NR6A1: variants seen among roughly 807,000 people sequenced by gnomAD.
The protein encoded by NR6A1 is retinoic acid receptor-related testis-associated receptor.
In NR6A1, 7 loss-of-function variants were observed where a neutral mutation model predicts 59.1. The observed-to-expected ratio is 0.12, with a 90% CI of 0.07 to 0.22. NR6A1 has a LOEUF of 0.22. NR6A1 is among the 10% of genes least tolerant of loss of function. The pLI is 1.00. For missense variants in NR6A1, 468 were observed against 611.6 expected, an observed-to-expected ratio of 0.77 and a Z score of 2.48; for synonymous variants, 243 against 236.1, an observed-to-expected ratio of 1.03 and a Z score of -0.27.
chr9:124,519,143 C>T lies in NR6A1; in HGVS notation c.*3562G>A, dbSNP rs1386103868. The T allele has an allele frequency of 6.6e-6, 1 of 152,236 alleles. No homozygotes were observed. The highest frequency in any genetic ancestry group is 1.5e-5 in the Non-Finnish European group (1 of 68,056). The allele number at this position is 152,236 out of a possible 1,614,324, so 9.4% of individuals were successfully genotyped here. A position where few individuals can be genotyped will look rare whatever the true frequency, so the allele number is the denominator to read the frequency against. Reference sequence around the variant, plus strand: ...TAACAGTGACCATGGCAGGTACTCACCTCCCTGAAAAAGGGTGGCAGGTGA... The same window carrying T: ...TAACAGTGACCATGGCAGGTACTCATCTCCCTGAAAAAGGGTGGCAGGTGA... On this transcript the variant is annotated 3_prime_UTR_variant, in exon 10 of 10. Coordinates refer to ENST00000487099, the MANE Select transcript of NR6A1 (RefSeq NM_033334.4).
At chr9:124,558,600 T>C (rs1244062449) in intron 2 of NR6A1, among the ~76,000 whole-genome samples, 1 of 152,156 alleles carries the variant, frequency 6.6e-6, no homozygotes. Flanking sequence ...CATACATTAC[T>C]GTGCTGAATA....
At chr9:124,562,429 T>C (rs1390246656) in intron 2 of NR6A1, among the ~76,000 whole-genome samples, 1 of 151,114 alleles carries the variant, frequency 6.6e-6, no homozygotes, top group Non-Finnish European at 1.5e-5. Context: ...TGTTTTTTGT[T>C]TTTTTTTTGG....
chr9:124,591,242 A>AT (rs1407421919), intron 2 of NR6A1, among the ~76,000 whole-genome samples: 1 of 152,208 alleles, frequency 6.6e-6, no homozygotes, highest in Non-Finnish European at 1.5e-5. Flanking sequence ...ACTCATTTCA[A>AT]TTCAAGCCAC....
intron 3 of NR6A1, among the ~76,000 whole-genome samples, chr9:124,544,321 T>C (rs1490204859): frequency 6.6e-6 from 1 of 152,212 alleles, no homozygotes; most frequent in Non-Finnish European, 1.5e-5. Flanking sequence ...ACCTCAATGG[T>C]TTCTCCCTGC....
At chr9:124,607,799 C>CT (rs1486166895) in intron 2 of NR6A1, among the ~76,000 whole-genome samples, 1 of 152,184 alleles carries the variant, frequency 6.6e-6, no homozygotes, top group African/African-American at 2.4e-5. Context: ...AATCCCAGCA[C>CT]TTTGGCAGTC....
At chr9:124,603,205 A>G (rs1285680828) in intron 2 of NR6A1, among the ~76,000 whole-genome samples, 7 of 152,130 alleles carry the variant, frequency 4.6e-5, no homozygotes, top group Non-Finnish European at 7.4e-5. Flanking sequence ...CATGTACTCC[A>G]AAGAGTCAAG....
chr9:124,620,744 A>T (rs1245805143), intron 2 of NR6A1, among the ~76,000 whole-genome samples: 1 of 152,178 alleles, frequency 6.6e-6, no homozygotes, highest in African/African-American at 2.4e-5. Flanking sequence ...AAAACTTGGT[A>T]AATATACCAA....
chr9:124,723,234 TTCTG>T (rs1839614233), intron 2 of NR6A1, among the ~76,000 whole-genome samples: 2 of 152,210 alleles, frequency 1.3e-5, no homozygotes. Context: ...TCAGTATGCT[TTCTG>T]TAAGACCTTG....
intron 2 of NR6A1, among the ~76,000 whole-genome samples, chr9:124,606,629 G>A (rs1835582586): frequency 6.6e-6 from 1 of 152,184 alleles, no homozygotes; most frequent in African/African-American, 2.4e-5. Flanking sequence ...ATTCTCCTAA[G>A]TCTGTTAAAT....
Position 124,519,981 on chromosome 9 carries a change from G to T in NR6A1, c.*2724C>A, listed in dbSNP as rs936089642. On this transcript the variant is annotated 3_prime_UTR_variant, in exon 10 of 10. Transcript: ENST00000487099. Reference sequence around the variant, plus strand: ...GTGGTTGGGGATCAGAGAGAGGGCAGAAAGAGAAATTAGAGAAAACATGCA... The same window carrying T: ...GTGGTTGGGGATCAGAGAGAGGGCATAAAGAGAAATTAGAGAAAACATGCA... 6.7e-6 allele frequency: 1 copy of T among 148,162 alleles called. No homozygotes were observed. The highest frequency in any genetic ancestry group is 1.5e-5 in the Non-Finnish European group (1 of 67,610). 9.2% of individuals were successfully genotyped at this position (148,162 alleles called of 1,614,324 possible). A position where few individuals can be genotyped will look rare whatever the true frequency, so the allele number is the denominator to read the frequency against.
intron 1 of NR6A1, among the ~76,000 whole-genome samples, chr9:124,755,316 C>T (rs536734895): frequency 7.4e-4 from 113 of 152,296 alleles, no homozygotes; most frequent in African/African-American, 2.6e-3. Context: ...CTGGCAATCC[C>T]TGCTGTGTAT....
chr9:124,685,782 TC>T (rs1367570132), intron 2 of NR6A1, among the ~76,000 whole-genome samples: 1 of 152,210 alleles, frequency 6.6e-6, no homozygotes, highest in Non-Finnish European at 1.5e-5. Flanking sequence ...TGATTAGCAT[TC>T]CCACTCAAAC....
chr9:124,660,408 G>A (rs772395275), intron 2 of NR6A1, among the ~76,000 whole-genome samples: 1 of 152,146 alleles, frequency 6.6e-6, no homozygotes, highest in Non-Finnish European at 1.5e-5. Flanking sequence ...CCTTCATGCC[G>A]AGCAGACGTT....
chr9:124,693,553 A>G (rs568725605), intron 2 of NR6A1, among the ~76,000 whole-genome samples: 1 of 152,300 alleles, frequency 6.6e-6, no homozygotes, highest in South Asian at 2.1e-4. Context: ...TCCCAGCTCC[A>G]ATGTCAATGT....
chr9:124,735,055 G>C (rs1238881378), intron 1 of NR6A1, among the ~76,000 whole-genome samples: 2 of 152,132 alleles, frequency 1.3e-5, no homozygotes, highest in Non-Finnish European at 2.9e-5. Context: ...TGTTGGCCAG[G>C]CTGGTCTCAA....
chr9:124,718,285 T>TGGCTCAA (rs763576661), intron 2 of NR6A1, among the ~76,000 whole-genome samples: 14 of 152,238 alleles, frequency 9.2e-5, no homozygotes, highest in Non-Finnish European at 1.8e-4. Context: ...TCAATAGTGC[T>TGGCTCAA]GGCTCAAGCC....
chr9:124,751,293 A>G (rs1418192963), intron 1 of NR6A1, among the ~76,000 whole-genome samples: 1 of 152,246 alleles, frequency 6.6e-6, no homozygotes, highest in African/African-American at 2.4e-5. Context: ...AAATCAGTTG[A>G]GACCAAAACT....
chr9:124,628,764 C>A (rs914237982), intron 2 of NR6A1, among the ~76,000 whole-genome samples: 4 of 152,122 alleles, frequency 2.6e-5, no homozygotes, highest in African/African-American at 9.7e-5. Context: ...CCTCAGTCTC[C>A]TGAGTAGCTG....
Position 124,520,786 on chromosome 9 carries a change from C to T in NR6A1, c.*1919G>A, listed in dbSNP as rs567145990. On this transcript the variant is annotated 3_prime_UTR_variant, in exon 10 of 10. Coordinates refer to ENST00000487099, the MANE Select transcript of NR6A1 (RefSeq NM_033334.4). ...GAACTTAGAAATAAACAGATACACA[C>T]GAACACACAAGAATCTTCCCACTGA... 3.9e-5 allele frequency: 6 copies of T among 152,194 alleles called. No individual in the cohort carries two copies. The highest frequency in any genetic ancestry group is 9.7e-5 in the African/African-American group (4 of 41,432). The allele number at this position is 152,194 out of a possible 1,614,324, so 9.4% of individuals were successfully genotyped here.
Sources: gnomAD v4.1 joint callset for allele counts (sites outside exome capture counted in the v4.1 genomes callset) on GRCh38, gnomAD v4.1.1 for gene constraint, MANE v1.5 for transcripts, NCBI Gene and HGNC (gene_info 2026-07-23, HGNC 2026-07-21) for gene names.